Variants in NRG1 observed in about 807,000 individuals in gnomAD.
NRG1 encodes neuregulin 1, also known as pro-neuregulin-1, membrane-bound isoform.
In NRG1, 18 loss-of-function variants were observed where a neutral mutation model predicts 63.8. The observed-to-expected ratio is 0.28, with a 90% CI of 0.19 to 0.42. NRG1 has a LOEUF of 0.42. Ranked by LOEUF, NRG1 falls within the 10% of genes least tolerant of loss-of-function variation. The pLI, the probability that NRG1 is intolerant of heterozygous loss-of-function variation, is 1.00. For synonymous variants in NRG1, 302 were observed against 301.3 expected (o/e 1.00, Z -0.02); for missense variants, 762 against 814.7 (o/e 0.94, Z 0.79).
chr8:32,556,236 A>G (rs1835150280), intron 1 of NRG1, among the ~76,000 whole-genome samples: 1 of 152,250 alleles, frequency 6.6e-6, no homozygotes, highest in South Asian at 2.1e-4. Context: ...AAAAAGAATT[A>G]TGTACGTTTT....
At chr8:32,121,978 T>G (rs1356280061) in intron 1 of NRG1, among the ~76,000 whole-genome samples, 2 of 152,050 alleles carry the variant, frequency 1.3e-5, no homozygotes, top group Non-Finnish European at 2.9e-5. Flanking sequence ...GGAAGTTTCT[T>G]GCTACTTATT....
At chr8:32,169,167 C>G (rs779029846) in intron 1 of NRG1, among the ~76,000 whole-genome samples, 9 of 152,186 alleles carry the variant, frequency 5.9e-5, no homozygotes, top group South Asian at 4.1e-4. Context: ...AAGAGCATCT[C>G]AGGTTGGTAC....
At chr8:32,501,805 G>A (rs1368898783) in intron 1 of NRG1, among the ~76,000 whole-genome samples, 1 of 152,096 alleles carries the variant, frequency 6.6e-6, no homozygotes, top group East Asian at 1.9e-4. Flanking sequence ...TCACTCAAGA[G>A]GTAAAGAAAA....
At chr8:32,451,500 T>C (rs374781144) in intron 1 of NRG1, among the ~76,000 whole-genome samples, 52 of 152,358 alleles carry the variant, frequency 3.4e-4, no homozygotes, top group African/African-American at 1.2e-3. Flanking sequence ...TCTTCAGTAA[T>C]TGTCTTTATC....
chr8:31,781,684 G>T (rs1819700160), intron 1 of NRG1, among the ~76,000 whole-genome samples: 1 of 152,114 alleles, frequency 6.6e-6, no homozygotes, highest in Non-Finnish European at 1.5e-5. Context: ...AGGTAGCCAA[G>T]ATATGGCTCT....
intron 1 of NRG1, among the ~76,000 whole-genome samples, chr8:32,387,370 T>G (rs1414348187): frequency 2.0e-5 from 3 of 152,138 alleles, no homozygotes; most frequent in Non-Finnish European, 4.4e-5. Context: ...GAATGATGAT[T>G]AGGTTTCTAA....
intron 1 of NRG1, among the ~76,000 whole-genome samples, chr8:31,730,382 G>A (rs146846121): frequency 3.4e-3 from 511 of 151,906 alleles, no homozygotes; most frequent in Admixed American, 7.5e-3. Context: ...TTCTAATGAG[G>A]GCTACTCACT....
chr8:32,174,882 C>T (rs1256900103), intron 1 of NRG1, among the ~76,000 whole-genome samples: 1 of 152,170 alleles, frequency 6.6e-6, no homozygotes, highest in Non-Finnish European at 1.5e-5. Flanking sequence ...GATCGATTCA[C>T]AGCCAAATTC....
intron 1 of NRG1, among the ~76,000 whole-genome samples, chr8:31,758,389 C>G (rs1401174666): frequency 6.6e-6 from 1 of 152,150 alleles, no homozygotes; most frequent in East Asian, 1.9e-4. Context: ...GATTATAAAT[C>G]ATTCTCCTAT....
intron 1 of NRG1, among the ~76,000 whole-genome samples, chr8:31,974,531 G>A (rs987787351): frequency 2.0e-5 from 3 of 152,026 alleles, no homozygotes; most frequent in Admixed American, 6.6e-5. Flanking sequence ...CCTCTGCTCC[G>A]AAGTACCCTG....
chr8:32,415,423 CA>C (rs5890648), intron 1 of NRG1, among the ~76,000 whole-genome samples: 26,610 of 137,272 alleles, frequency 0.19, 2,588 homozygotes, highest in Admixed American at 0.29. Flanking sequence ...AAAGAGTTTG[CA>C]AAAAAAAAAA....
At chr8:32,409,857 A>C (rs1464629558) in intron 1 of NRG1, among the ~76,000 whole-genome samples, 1 of 152,198 alleles carries the variant, frequency 6.6e-6, no homozygotes, top group Non-Finnish European at 1.5e-5. Context: ...GCAAATTGGA[A>C]GGGTGATGGA....
chr8:31,964,272 A>G (rs1296265804), intron 1 of NRG1, among the ~76,000 whole-genome samples: 1 of 152,232 alleles, frequency 6.6e-6, no homozygotes, highest in Non-Finnish European at 1.5e-5. Context: ...CTCCTATATC[A>G]TAGAAGTCTA....
intron 1 of NRG1, among the ~76,000 whole-genome samples, chr8:31,940,108 A>G (rs1801533696): frequency 6.6e-6 from 1 of 152,186 alleles, no homozygotes; most frequent in Admixed American, 6.5e-5. Flanking sequence ...CATTCTACTC[A>G]TCAGCACATG....
rs548881053 is a variant in NRG1 at position 32,553,795 on chromosome 8, A to G, written c.100+4969A>G. On this transcript the variant is annotated intron_variant, in intron 1 of 11. Coordinates refer to ENST00000356819, the Ensembl canonical transcript of NRG1. ...ACAGTATATTGCCAGCAATGTTCAT[A>G]GAATTGAGTGCAGGTGTTTCTAAAT... 1.6e-4 allele frequency among the ~76,000 whole-genome samples: 25 copies of G among 152,348 alleles called. No individual in the cohort carries two copies. The South Asian group carries it at 4.3e-3, about 27-fold the overall frequency.
At chr8:32,300,996 T>C (rs1458243977) in intron 1 of NRG1, among the ~76,000 whole-genome samples, 1 of 152,188 alleles carries the variant, frequency 6.6e-6, no homozygotes, top group Non-Finnish European at 1.5e-5. Flanking sequence ...TTTTTCACAT[T>C]TGAAGAAAAT....
chr8:31,656,794 A>T (rs140365414), intron 1 of NRG1, among the ~76,000 whole-genome samples: 1 of 152,294 alleles, frequency 6.6e-6, no homozygotes, highest in African/African-American at 2.4e-5. Flanking sequence ...TGGCACACTG[A>T]CTTGAGAATT....
intron 1 of NRG1, among the ~76,000 whole-genome samples, chr8:32,255,302 T>A (rs2219987): frequency 0.43 from 65,812 of 152,124 alleles, 14,939 homozygotes; most frequent in Admixed American, 0.49. Context: ...GTCCTTACAA[T>A]TTGGTATGTT....
At chr8:31,658,885 A>G (rs904684030) in intron 1 of NRG1, among the ~76,000 whole-genome samples, 2 of 152,164 alleles carry the variant, frequency 1.3e-5, no homozygotes, top group Admixed American at 1.3e-4. Context: ...AATCTTGACT[A>G]CTTGATTGCT....
Sources: gnomAD v4.1 joint callset for allele counts (sites outside exome capture counted in the v4.1 genomes callset) on GRCh38, gnomAD v4.1.1 for gene constraint, MANE v1.5 for transcripts, NCBI Gene and HGNC (gene_info 2026-07-23, HGNC 2026-07-21) for gene names.